Variants in CLTRN observed in about 807,000 individuals in gnomAD.
CLTRN encodes the protein collectrin, amino acid transport regulator.
A neutral mutation model predicts 14.5 loss-of-function variants in CLTRN; 12 were observed. That is an observed-to-expected ratio of 0.83 (90% CI 0.53 to 1.34). The LOEUF is 1.34. CLTRN is among the 40% of genes most tolerant of loss of function. The pLI is 0.00. For synonymous variants in CLTRN, 58 were observed against 56.5 expected (o/e 1.03, Z -0.12); for missense variants, 154 against 165.1 (o/e 0.93, Z 0.37).
chrX:15,634,443 A>G (rs1462183636), intron 5 of CLTRN, among the ~76,000 whole-genome samples: 4 of 110,052 alleles, frequency 3.6e-5, no homozygotes, highest in Non-Finnish European at 5.7e-5. Context: ...TATCAACTTC[A>G]TCACCATCAC....
intron 1 of CLTRN, among the ~76,000 whole-genome samples, chrX:15,672,526 C>T (rs780350340): frequency 1.1e-5 from 1 of 93,195 alleles, no homozygotes; most frequent in South Asian, 4.9e-4. Context: ...GGGGCGGGGG[C>T]GGGATCAGAC....
chrX:15,646,482 C>CCCCCCCCCCCCAAAA, intron 3 of CLTRN: 1 of 302,739 alleles, frequency 3.3e-6, no homozygotes, highest in Non-Finnish European at 6.5e-6. Context: ...CCGACCCCCG[C>CCCCCCCCCCCCAAAA]GCCAGAAGCA....
intron 2 of CLTRN, among the ~76,000 whole-genome samples, chrX:15,663,637 G>A (rs924790508): frequency 8.9e-6 from 1 of 112,094 alleles, no homozygotes; most frequent in Non-Finnish European, 1.9e-5. Flanking sequence ...CCTGCAAACA[G>A]AATACCTCTA....
At chrX:15,640,913 G>A (rs1157580156) in intron 4 of CLTRN, among the ~76,000 whole-genome samples, 1 of 111,789 alleles carries the variant, frequency 8.9e-6, no homozygotes, top group Non-Finnish European at 1.9e-5. Context: ...GGCAAATATG[G>A]GCACAGTGTG....
chrX:15,647,568 C>T (rs1929117201), intron 3 of CLTRN, among the ~76,000 whole-genome samples: 1 of 83,086 alleles, frequency 1.2e-5, no homozygotes, highest in African/African-American at 4.5e-5. Flanking sequence ...GAGGGAGGAG[C>T]GGGAAGCTGT....
At chrX:15,657,811 C>A (rs1033290851) in intron 3 of CLTRN, among the ~76,000 whole-genome samples, 13 of 111,566 alleles carry the variant, frequency 1.2e-4, no homozygotes, top group Non-Finnish European at 2.4e-4. Context: ...TTATTATATA[C>A]CTTCTTTTCA....
upstream of CLTRN, chrX:15,664,819 T>C (rs201874670): frequency 4.7e-6 from 5 of 1,061,983 alleles, no homozygotes; most frequent in South Asian, 1.9e-5. Context: ...AAAAAAAAAA[T>C]CCACGCTGCA....
chrX:15,671,006 T>C (rs1929710164), intron 1 of CLTRN, among the ~76,000 whole-genome samples: 1 of 108,830 alleles, frequency 9.2e-6, no homozygotes, highest in South Asian at 4.0e-4. Context: ...TAATTTCCAG[T>C]CACAAGCTTA....
chrX:15,646,473 C>G, intron 3 of CLTRN: 1 of 258,337 alleles, frequency 3.9e-6, no homozygotes, highest in South Asian at 3.5e-5. Flanking sequence ...CCCCCCCGCC[C>G]GACCCCCGCG....
At chrX:15,663,248 C>T (rs946413122) in intron 2 of CLTRN, among the ~76,000 whole-genome samples, 1 of 112,156 alleles carries the variant, frequency 8.9e-6, no homozygotes, top group African/African-American at 3.2e-5. Flanking sequence ...GCCTTAATCA[C>T]CATTACATCC....
intron 3 of CLTRN, among the ~76,000 whole-genome samples, chrX:15,653,038 G>A (rs1929260660): frequency 9.0e-6 from 1 of 111,224 alleles, no homozygotes; most frequent in Non-Finnish European, 1.9e-5. Context: ...CCAAGATGGC[G>A]CCACTGCACT....
intron 5 of CLTRN, among the ~76,000 whole-genome samples, chrX:15,630,572 T>C (rs1370625534): frequency 8.9e-6 from 1 of 112,594 alleles, no homozygotes. Context: ...TATTTTACCA[T>C]TGCATATGCC....
intron 3 of CLTRN, among the ~76,000 whole-genome samples, chrX:15,655,320 G>A (rs985164856): frequency 8.9e-6 from 1 of 112,351 alleles, no homozygotes; most frequent in African/African-American, 3.2e-5. Context: ...GGTCTTCTGT[G>A]GTAGTGGACG....
chrX:15,665,084 T>G (rs912955895), upstream of CLTRN: 8 of 257,523 alleles, frequency 3.1e-5, no homozygotes, highest in Admixed American at 6.1e-5. Flanking sequence ...CCTTCTGCGA[T>G]TCTCTGGTTA....
chrX:15,635,400 G>A (rs769552221), intron 5 of CLTRN, among the ~76,000 whole-genome samples: 6 of 112,082 alleles, frequency 5.4e-5, no homozygotes, highest in Non-Finnish European at 9.4e-5. Flanking sequence ...TTTAAAAAGT[G>A]TTTATTCAGC....
At chrX:15,648,621 G>A (rs753352646) in intron 3 of CLTRN, among the ~76,000 whole-genome samples, 1 of 111,068 alleles carries the variant, frequency 9.0e-6, no homozygotes, top group South Asian at 3.8e-4. Flanking sequence ...GACCAGTCTG[G>A]CCAGCATGGT....
At chrX:15,633,137 T>C (rs779717274) in intron 5 of CLTRN, among the ~76,000 whole-genome samples, 69 of 110,959 alleles carry the variant, frequency 6.2e-4, no homozygotes, top group African/African-American at 2.3e-3. Flanking sequence ...ATCCTGTTAC[T>C]ATTACTTTCT....
intron 5 of CLTRN, among the ~76,000 whole-genome samples, chrX:15,631,649 A>C (rs1928697326): frequency 8.9e-6 from 1 of 112,315 alleles, no homozygotes; most frequent in Non-Finnish European, 1.9e-5. Context: ...ATCTCAACCA[A>C]AAAGATTCCA....
intron 5 of CLTRN, among the ~76,000 whole-genome samples, chrX:15,636,918 A>G (rs753960707): frequency 1.6e-3 from 183 of 111,574 alleles, no homozygotes; most frequent in African/African-American, 5.6e-3. Flanking sequence ...GGTAAAGGGC[A>G]CAGCTGGTAT....
Sources: allele counts gnomAD v4.1 joint callset (sites outside exome capture counted in the v4.1 genomes callset), GRCh38; gene constraint gnomAD v4.1.1; transcripts MANE v1.5; gene names NCBI Gene and HGNC (gene_info 2026-07-23, HGNC 2026-07-21).